Variants in PLXNB1 observed in about 807,000 individuals in gnomAD.
PLXNB1 encodes the protein plexin B1.
Under a neutral mutation model 209.4 loss-of-function variants are expected in PLXNB1, and 106 were observed. That is an observed-to-expected ratio of 0.51 (90% confidence interval 0.43 to 0.59). The LOEUF (loss-of-function observed/expected upper bound fraction) is 0.59. Ranked by LOEUF, PLXNB1 falls within the 20% of genes least tolerant of loss-of-function variation. The probability of loss-of-function intolerance (pLI) is 0.00; values close to 1 mark genes in which losing one functional copy is unlikely to be tolerated. For missense variants in PLXNB1, 2,357 were observed against 2,853.2 expected, an observed-to-expected ratio of 0.83 and a Z score of 3.96; for synonymous variants, 1,167 against 1,183.2, an observed-to-expected ratio of 0.99 and a Z score of 0.28.
rs200764325 is a variant in PLXNB1 at position 48,415,066 on chromosome 3, C to T, written c.3967-25G>A. ...ACTGGAAGGAAGACAGGCAGGTTGA[C>T]GAGGGGCCAAGCAAAGATGGGAAGA... On this transcript the variant is annotated intron_variant, in intron 20 of 37. Coordinates refer to ENST00000296440, the MANE Select transcript of PLXNB1 (RefSeq NM_001130082.3). This position sits in a 1 kb window ranked among gnomAD's most constrained non-coding sequence, Gnocchi z 5.0. 2.9e-5 allele frequency: 46 copies of T among 1,610,136 alleles called. 1 individual carries two copies. Among genetic ancestry groups the T allele is most frequent in the Middle Eastern group, 3.3e-4 (2 of 6,042 alleles).
Position 48,418,838 on chromosome 3 carries a change from G to A in PLXNB1, c.2955+79C>T, listed in dbSNP as rs2038285397. The stretch of plus-strand genomic sequence containing the variant: ...TCAGAGCGTGGCTCTGGAAAGTGTG[G>A]TGCAGCCAGCTACAGTTGGCAGCCA... On this transcript the variant is annotated intron_variant, in intron 13 of 37. Coordinates refer to ENST00000296440, the MANE Select transcript of PLXNB1 (RefSeq NM_001130082.3). The surrounding 1 kb of genome is among the most constrained non-coding windows in gnomAD (Gnocchi z 6.6). 1 of 1,565,130 alleles carries A rather than the reference G, an allele frequency of 6.4e-7. No homozygotes were observed. Among genetic ancestry groups the A allele is most frequent in the Non-Finnish European group, 8.7e-7 (1 of 1,143,138 alleles).
At position 48,417,812 on chromosome 3, in the gene PLXNB1, A is replaced by C. The variant is rs2038197879; in HGVS notation, c.3374+99T>G. Reference sequence around the variant, plus strand: ...GGCCAGGATCAAGGAACAGGGAGAGAGGGGGGCAGATGAGCGGTGGGTGGG... The same window carrying C: ...GGCCAGGATCAAGGAACAGGGAGAGCGGGGGGCAGATGAGCGGTGGGTGGG... On this transcript the variant is annotated intron_variant, in intron 16 of 37. Coordinates refer to ENST00000296440, the MANE Select transcript of PLXNB1 (RefSeq NM_001130082.3). This position sits in a 1 kb window ranked among gnomAD's most constrained non-coding sequence, Gnocchi z 4.4. 1.6e-5 allele frequency: 20 copies of C among 1,276,472 alleles called. No individual in the cohort carries two copies. Among genetic ancestry groups the C allele is most frequent in the Middle Eastern group, 5.5e-4 (2 of 3,636 alleles). 79.1% of individuals were successfully genotyped at this position (1,276,472 alleles called of 1,614,324 possible).
chr3:48,418,049 G>C lies in PLXNB1; in HGVS notation c.3236C>G (p.Thr1079Ser). 2 of 1,613,114 alleles carry C rather than the reference G, an allele frequency of 1.2e-6. No individual in the cohort carries two copies. Among genetic ancestry groups the C allele is most frequent in the Non-Finnish European group, 1.7e-6 (2 of 1,179,772 alleles). Residue 1079 changes from threonine to serine, a missense_variant, in exon 16 of 38, where the codon ACT becomes AGT. Around this residue, in one of 7 missense-constraint regions of PLXNB1, gnomAD observed 743 missense variants for 896.2 expected, o/e 0.83. Coordinates refer to ENST00000296440, the MANE Select transcript of PLXNB1 (RefSeq NM_001130082.3). This position sits in a 1 kb window ranked among gnomAD's most constrained non-coding sequence, Gnocchi z 6.6. ...APLIHSVEPLTGPVDGGTRVT... is the reference protein window; with the variant it reads ...APLIHSVEPLSGPVDGGTRVT... ...ACGGGTGCCTCCGTCTACAGGCCCA[G>C]TCAGTGGCTCCACCTGTTCCAGGAC... is the stretch of plus-strand genomic sequence containing the variant.
rs767426005 is a variant in PLXNB1 at position 48,420,140 on chromosome 3, G to C, written c.2146C>G (p.Pro716Ala). Residue 716 changes from proline (P) to alanine (A), a missense_variant, in exon 11 of 38, where the codon CCC becomes GCC. Physicochemically the swap from Pro to Ala is conservative, Grantham distance 27. Around this residue, in one of 7 missense-constraint regions of PLXNB1, gnomAD observed 410 missense variants for 401.0 expected, o/e 1.02. Transcript: ENST00000296440. The part of the protein sequence containing the change: ...PDTLPVEPGA[P>A]STATASDISP... ...ATGTCCGAAGCTGTGGCTGTGGAGGGAGCCCCAGGCTCCACGGGAAGGGTG... is the reference window on the plus strand; with the variant it reads ...ATGTCCGAAGCTGTGGCTGTGGAGGCAGCCCCAGGCTCCACGGGAAGGGTG... 1.9e-6 allele frequency: 3 copies of C among 1,610,830 alleles called. No homozygotes were observed. Among genetic ancestry groups the C allele is most frequent in the African/African-American group, 1.3e-5 (1 of 74,820 alleles).
Position 48,418,133 on chromosome 3 carries a change from C to T in PLXNB1, c.3222+58G>A. ...AGCCCCAACCTCCCACCTTTGGGCC[C>T]CCACACCCTCCCTCTAAGGGCAGCA... On this transcript the variant is annotated intron_variant, in intron 15 of 37. Coordinates refer to ENST00000296440, the MANE Select transcript of PLXNB1 (RefSeq NM_001130082.3). The surrounding 1 kb of genome is among the most constrained non-coding windows in gnomAD (Gnocchi z 6.6). The T allele has an allele frequency of 3.7e-6, 6 of 1,607,918 alleles. No homozygotes were observed. The highest frequency in any genetic ancestry group is 5.1e-6 in the Non-Finnish European group (6 of 1,176,086).
In PLXNB1 at chr3:48,410,328, A is replaced by C. The variant is rs780881976; in HGVS notation, c.5573T>G (p.Leu1858Arg). 3.5e-5 allele frequency: 56 copies of C among 1,613,072 alleles called. No homozygotes were observed. Among genetic ancestry groups the C allele is most frequent in the Non-Finnish European group, 4.7e-5 (56 of 1,179,406 alleles). Reference protein sequence around the residue: ...ALVPCLTKHVLRENQDYVPGE... With the variant: ...ALVPCLTKHVRRENQDYVPGE... ...AGGGACATAATCCTGGTTTTCCCGGAGCACATGCTTGGTGAGGCAGGGGAC... is the reference window on the plus strand; with the variant it reads ...AGGGACATAATCCTGGTTTTCCCGGCGCACATGCTTGGTGAGGCAGGGGAC... The change falls in exon 31 of 38, where the codon CTC becomes CGC. Residue 1858 changes from leucine (L) to arginine (R), a missense_variant. Leu to Arg is a moderately radical substitution (Grantham distance 102, BLOSUM62 -2). Around this residue, in one of 7 missense-constraint regions of PLXNB1, gnomAD observed 414 missense variants for 520.5 expected, o/e 0.80. Coordinates refer to ENST00000296440, the MANE Select transcript of PLXNB1 (RefSeq NM_001130082.3). This position sits in a 1 kb window ranked among gnomAD's most constrained non-coding sequence, Gnocchi z 6.4.
In PLXNB1 at chr3:48,418,577, T is replaced by A; in HGVS notation, c.2956-35A>T. On this transcript the variant is annotated intron_variant, in intron 13 of 37. Coordinates refer to ENST00000296440, the MANE Select transcript of PLXNB1 (RefSeq NM_001130082.3). The surrounding 1 kb of genome is among the most constrained non-coding windows in gnomAD (Gnocchi z 6.6). ...TGGGAGTGGGTTCAGAGTCAAGCAC[T>A]GGGGGAAGTGTCAGGCCTGGGGAGG... 2.7e-6 allele frequency: 4 copies of A among 1,489,318 alleles called. No individual in the cohort carries two copies. Among genetic ancestry groups the A allele is most frequent in the Non-Finnish European group, 3.6e-6 (4 of 1,096,226 alleles). 92.3% of individuals were successfully genotyped at this position (1,489,318 alleles called of 1,614,324 possible).
At position 48,411,788 on chromosome 3, in the gene PLXNB1, C is replaced by A; in HGVS notation, c.5247+75G>T. 1 of 1,502,158 alleles carries A rather than the reference C, an allele frequency of 6.7e-7. No homozygotes were observed. 93.1% of individuals were successfully genotyped at this position (1,502,158 alleles called of 1,614,324 possible). A position where few individuals can be genotyped will look rare whatever the true frequency, so the allele number is the denominator to read the frequency against. On this transcript the variant is annotated intron_variant, in intron 28 of 37. Coordinates refer to ENST00000296440, the MANE Select transcript of PLXNB1 (RefSeq NM_001130082.3). The surrounding 1 kb of genome is among the most constrained non-coding windows in gnomAD (Gnocchi z 4.0). ...CCACATCAGAAGCTGGTGTCCAGAC[C>A]CCACACACCCACACACTCTCCACCC...
At position 48,417,819 on chromosome 3, in the gene PLXNB1, C is replaced by A. The variant is rs939607696; in HGVS notation, c.3374+92G>T. ...ATCAAGGAACAGGGAGAGAGGGGGG[C>A]AGATGAGCGGTGGGTGGGAGGCCCC... On this transcript the variant is annotated intron_variant, in intron 16 of 37. Coordinates refer to ENST00000296440, the MANE Select transcript of PLXNB1 (RefSeq NM_001130082.3). This position sits in a 1 kb window ranked among gnomAD's most constrained non-coding sequence, Gnocchi z 4.4. 37 of 1,322,186 alleles carry A rather than the reference C, an allele frequency of 2.8e-5. No individual in the cohort carries two copies. The highest frequency in any genetic ancestry group is 3.7e-5 in the Non-Finnish European group (35 of 950,138). 81.9% of individuals were successfully genotyped at this position (1,322,186 alleles called of 1,614,324 possible).
At chr3:48,414,604 G>A (rs1307661602) in intron 21 of PLXNB1, among the ~76,000 whole-genome samples, 195 bp downstream of exon 21, 1 of 152,192 alleles carries the variant, frequency 6.6e-6, no homozygotes, top group Non-Finnish European at 1.5e-5. Flanking sequence ...CACCAGCCAA[G>A]CAGTCCAGCT....
Position 48,421,656 on chromosome 3 carries a change from G to A in PLXNB1, c.1653+18C>T. The A allele has an allele frequency of 6.3e-7, 1 of 1,585,868 alleles. No homozygotes were observed. The highest frequency in any genetic ancestry group is 8.6e-7 in the Non-Finnish European group (1 of 1,158,766). ...CCAGAGCCCTCCCCACCAGGGCCCT[G>A]CCTATCTGATCATTCACCTCCCTCG... is the stretch of plus-strand genomic sequence containing the variant. On this transcript the variant is annotated intron_variant, in intron 7 of 37. Coordinates refer to ENST00000296440, the MANE Select transcript of PLXNB1 (RefSeq NM_001130082.3).
In PLXNB1 at chr3:48,424,093, G is replaced by T. The variant is rs1436688675; in HGVS notation, c.519C>A (p.Thr173=). Residue 173 remains threonine (T), a synonymous_variant, in exon 3 of 38, where the codon ACC becomes ACA. Transcript: ENST00000296440. ...EPLLFVGRGY[T]SRGVGGGIPP... ...GAATGCCACCCCCCACACCCCTGCT[G>T]GTGTATCCTCGCCCCACAAACAGGA... is the stretch of plus-strand genomic sequence containing the variant. The T allele has an allele frequency of 4.5e-6, 7 of 1,563,398 alleles. No homozygotes were observed. The East Asian group carries it at 1.4e-4, about 32-fold the overall frequency.
rs2037732649 is a variant in PLXNB1 at position 48,412,224 on chromosome 3, C to T, written c.5100+14G>A. 6.2e-7 allele frequency: 1 copy of T among 1,613,468 alleles called. No individual in the cohort carries two copies. The highest frequency in any genetic ancestry group is 2.2e-5 in the East Asian group (1 of 44,880). ...CTCCCTGGACAGGAGCCCTGTCCACCTCTGCCCCCTCACCCTCACGAAGGT... is the reference window on the plus strand; with the variant it reads ...CTCCCTGGACAGGAGCCCTGTCCACTTCTGCCCCCTCACCCTCACGAAGGT... On this transcript the variant is annotated intron_variant, in intron 27 of 37. Transcript: ENST00000296440.
intron 1 of PLXNB1, among the ~76,000 whole-genome samples, chr3:48,427,976 G>A (rs2038983838): frequency 6.6e-6 from 1 of 152,176 alleles, no homozygotes; most frequent in Non-Finnish European, 1.5e-5. Context: ...TGGCATTAGT[G>A]ATGCCAACCA....
rs2037565485 is a variant in PLXNB1, at chr3:48,410,025, C to T, written c.5658G>A (p.Leu1886=). 3 of 1,611,740 alleles carry T rather than the reference C, an allele frequency of 1.9e-6. No homozygotes were observed. In the South Asian group the frequency reaches 3.3e-5, roughly 18 times the overall value. The change falls in exon 32 of 38, where the codon CTG becomes CTA. Residue 1886 remains leucine (L), a synonymous_variant. Transcript: ENST00000296440. This position sits in a 1 kb window ranked among gnomAD's most constrained non-coding sequence, Gnocchi z 6.4. ...GCTCCGGCTCATCACTTGGCTTCAC[C>T]AGGTGCCAGGGCCGGATGCCCCCCT... ...VDEGGIRPWH[L]VKPSDEPEPP... is the part of the protein sequence containing the mutation.
rs2037306941 is a variant in PLXNB1 at position 48,406,178 on chromosome 3, G to A, written c.6229-380C>T. 1 of 239,754 alleles carries A rather than the reference G, an allele frequency of 4.2e-6. No homozygotes were observed. The highest frequency in any genetic ancestry group is 2.3e-5 in the African/African-American group (1 of 44,256). 14.9% of individuals were successfully genotyped at this position (239,754 alleles called of 1,614,324 possible). ...ATGCCACTTGCAGGCTGACAGCCCA[G>A]CATGATTCTGCTCTGGCCTAACTCA... On this transcript the variant is annotated intron_variant, in intron 36 of 37. Transcript: ENST00000296440. This position sits in a 1 kb window ranked among gnomAD's most constrained non-coding sequence, Gnocchi z 4.4.
chr3:48,422,815 C>A lies in PLXNB1; in HGVS notation c.1240G>T (p.Asp414Tyr). 1 of 1,614,154 alleles carries A rather than the reference C, an allele frequency of 6.2e-7. No homozygotes were observed. Among genetic ancestry groups the A allele is most frequent in the South Asian group, 1.1e-5 (1 of 91,086 alleles). ...QLTAVAVTMEDGHTIAFLGDS... is the reference protein window; with the variant it reads ...QLTAVAVTMEYGHTIAFLGDS... ...CCCAGGAAAGCGATGGTGTGTCCAT[C>A]TTCCATGGTGACTGCCACAGCTGTT... Residue 414 changes from aspartate to tyrosine, a missense_variant, in exon 4 of 38, where the codon GAT (aspartate) becomes TAT (tyrosine). Asp to Tyr is a radical substitution (Grantham distance 160, BLOSUM62 -3). Around this residue, in one of 7 missense-constraint regions of PLXNB1, gnomAD observed 404 missense variants for 443.6 expected, o/e 0.91. Coordinates refer to ENST00000296440, the MANE Select transcript of PLXNB1 (RefSeq NM_001130082.3).
intron 34 of PLXNB1, among the ~76,000 whole-genome samples, chr3:48,408,500 C>G (rs184815439): frequency 6.6e-6 from 1 of 152,108 alleles, no homozygotes; most frequent in Non-Finnish European, 1.5e-5. Context: ...TCGGCTTTGA[C>G]TGCTATGACA....
rs1419274602 is a variant in PLXNB1, at chr3:48,406,972, C to G, written c.6152+55G>C. The G allele has an allele frequency of 1.3e-5, 21 of 1,609,598 alleles. No homozygotes were observed. The highest frequency in any genetic ancestry group is 1.8e-5 in the Non-Finnish European group (21 of 1,175,922). ...CCCTGCTCCCAACCAGAGCCCACCC[C>G]CCAAGCCTCAGCTGCACACGCCCTC... On this transcript the variant is annotated intron_variant, in intron 35 of 37. Transcript: ENST00000296440. The surrounding 1 kb of genome is among the most constrained non-coding windows in gnomAD (Gnocchi z 4.4).
Sources: allele counts gnomAD v4.1 joint callset (sites outside exome capture counted in the v4.1 genomes callset), GRCh38; gene constraint gnomAD v4.1.1; regional missense constraint gnomAD v4.1.1; non-coding constraint Gnocchi (gnomAD v3.1); transcripts MANE v1.5; gene names NCBI Gene and HGNC (gene_info 2026-07-23, HGNC 2026-07-21).